The following SEL1L2 variants were observed in gnomAD, a reference collection of about 807,000 sequenced individuals.
The protein encoded by SEL1L2 is protein sel-1 homolog 2.
A neutral mutation model predicts 98.8 loss-of-function variants in SEL1L2; 89 were observed. The ratio of observed to expected loss-of-function variants is 0.90; its 90% CI spans 0.76 to 1.07. SEL1L2 has a LOEUF of 1.07. Ranked by LOEUF, SEL1L2 falls within the 50% of genes least tolerant of loss-of-function variation. The probability of loss-of-function intolerance (pLI) is 0.00; values close to 1 mark genes in which losing one functional copy is unlikely to be tolerated. For missense variants in SEL1L2, 788 were observed against 812.0 expected, an observed-to-expected ratio of 0.97 and a Z score of 0.36; for synonymous variants, 262 against 278.5, an observed-to-expected ratio of 0.94 and a Z score of 0.59.
chr20:13,866,237 C>T (rs1017843044), intron 15 of SEL1L2, among the ~76,000 whole-genome samples: 2 of 152,116 alleles, frequency 1.3e-5, no homozygotes, highest in Non-Finnish European at 2.9e-5. Flanking sequence ...TTTTGGAAAG[C>T]GCATCACTGG....
At chr20:13,946,256 CA>C (rs968981572) in intron 2 of SEL1L2, among the ~76,000 whole-genome samples, 5 of 151,932 alleles carry the variant, frequency 3.3e-5, no homozygotes, top group South Asian at 2.1e-4. Flanking sequence ...AGATTCTACA[CA>C]AAAAAACTGC....
chr20:13,951,228 G>A (rs568971505), intron 2 of SEL1L2, among the ~76,000 whole-genome samples: 12 of 119,910 alleles, frequency 1.0e-4, no homozygotes, highest in African/African-American at 3.6e-4. Flanking sequence ...AGTGAGCCGA[G>A]ATAGCGCCAC....
intron 12 of SEL1L2, 73 bp from the exon 13 acceptor site, chr20:13,870,276 C>G (rs2046122114): frequency 8.1e-6 from 10 of 1,232,710 alleles, no homozygotes; most frequent in South Asian, 6.5e-5. Context: ...CAAAATTTTT[C>G]AAAATATTTG....
At chr20:13,885,896 G>A (rs576183355) in intron 9 of SEL1L2, among the ~76,000 whole-genome samples, 21 of 152,188 alleles carry the variant, frequency 1.4e-4, no homozygotes, top group Non-Finnish European at 2.8e-4. Context: ...TTAGCCAGGC[G>A]TGGTGGTGTG....
chr20:13,898,805 C>T (rs911192109), intron 5 of SEL1L2, among the ~76,000 whole-genome samples: 5 of 152,098 alleles, frequency 3.3e-5, no homozygotes, highest in Admixed American at 6.5e-5. Flanking sequence ...TACAATGGCC[C>T]GATCTCGGCT....
intron 5 of SEL1L2, among the ~76,000 whole-genome samples, chr20:13,905,150 C>T (rs1043481620): frequency 2.0e-5 from 3 of 152,090 alleles, no homozygotes; most frequent in African/African-American, 4.8e-5. Flanking sequence ...TAGCAGAAAA[C>T]TAACAATGGG....
At chr20:13,954,223 G>A (rs772339064) in intron 2 of SEL1L2, among the ~76,000 whole-genome samples, 2 of 152,084 alleles carry the variant, frequency 1.3e-5, no homozygotes, top group Admixed American at 6.6e-5. Flanking sequence ...TAATTATTAT[G>A]GAAGATAACC....
chr20:13,893,449 C>T (rs1025184608), intron 5 of SEL1L2, among the ~76,000 whole-genome samples: 17 of 152,204 alleles, frequency 1.1e-4, no homozygotes, highest in African/African-American at 3.9e-4. Flanking sequence ...ATAAAAGGTT[C>T]GCTTCATTAG....
At chr20:13,861,747 A>G (rs1211938129) in intron 17 of SEL1L2, among the ~76,000 whole-genome samples, 1 of 151,944 alleles carries the variant, frequency 6.6e-6, no homozygotes, top group African/African-American at 2.4e-5. Flanking sequence ...TAATAGTCAG[A>G]CTCCTTACGA....
At chr20:13,854,263 G>A (rs914985825) in intron 18 of SEL1L2, among the ~76,000 whole-genome samples, 18 of 152,160 alleles carry the variant, frequency 1.2e-4, no homozygotes, top group African/African-American at 3.9e-4. Flanking sequence ...CTACATATAT[G>A]TATTTGAAAC....
rs2148039397 is a variant in SEL1L2 at position 13,894,109 on chromosome 20, A to T, written c.550-5597T>A. Among the ~76,000 whole-genome samples, 2 of 152,264 alleles carry T rather than the reference A, an allele frequency of 1.3e-5. 1 individual carries two copies. The highest frequency in any genetic ancestry group is 4.1e-4 in the South Asian group (2 of 4,820). On this transcript the variant is annotated intron_variant, in intron 5 of 19. Transcript: ENST00000284951. ...TTACTAAAGAAGATCTCAAATAAACAACCTAACTTTATACCTCAAAGAACT... is the reference window on the plus strand; with the variant it reads ...TTACTAAAGAAGATCTCAAATAAACTACCTAACTTTATACCTCAAAGAACT...
intron 1 of SEL1L2, among the ~76,000 whole-genome samples, chr20:13,986,772 A>G (rs1023766963): frequency 2.6e-5 from 4 of 152,346 alleles, no homozygotes; most frequent in Middle Eastern, 3.4e-3. Context: ...TTATATACCT[A>G]GTAATGAAAT....
At chr20:13,859,484 A>ATG in intron 17 of SEL1L2, 50 bp from the exon 18 acceptor site, 1 of 1,482,232 alleles carries the variant, frequency 6.7e-7, no homozygotes, top group Non-Finnish European at 9.3e-7. Context: ...TGATTCATGT[A>ATG]TAGTTCTCAG....
chr20:13,861,895 C>T (rs1990201467), intron 17 of SEL1L2, among the ~76,000 whole-genome samples: 1 of 152,198 alleles, frequency 6.6e-6, no homozygotes, highest in South Asian at 2.1e-4. Flanking sequence ...GCCAATGCCA[C>T]TTCTCTCCTA....
upstream of SEL1L2, among the ~76,000 whole-genome samples, chr20:13,992,838 G>A (rs116486458): frequency 6.6e-6 from 1 of 152,058 alleles, no homozygotes; most frequent in Non-Finnish European, 1.5e-5. Flanking sequence ...GCAGGGAAAG[G>A]GGGTGGGAGG....
At chr20:13,912,554 C>T (rs1600720861) in intron 5 of SEL1L2, among the ~76,000 whole-genome samples, 2 of 152,206 alleles carry the variant, frequency 1.3e-5, no homozygotes, top group East Asian at 3.9e-4. Flanking sequence ...ACCTTGGCCT[C>T]CCAAAGTGCT....
chr20:13,866,319 G>A (rs1264264682), intron 15 of SEL1L2, among the ~76,000 whole-genome samples: 2 of 152,198 alleles, frequency 1.3e-5, no homozygotes, highest in African/African-American at 2.4e-5. Flanking sequence ...TGCTTTCTGG[G>A]AAGAAGTGGG....
intron 3 of SEL1L2, among the ~76,000 whole-genome samples, chr20:13,925,196 T>C (rs113241857): frequency 6.6e-6 from 1 of 152,202 alleles, no homozygotes; most frequent in African/African-American, 2.4e-5. Context: ...TAGTCACTTG[T>C]GTATTTTCTA....
intron 4 of SEL1L2, among the ~76,000 whole-genome samples, chr20:13,917,800 T>C (rs1311341091): frequency 3.2e-5 from 4 of 125,366 alleles, no homozygotes; most frequent in East Asian, 2.2e-4. Flanking sequence ...TTTTTTTTTT[T>C]TTTTTTTTTT....
Sources: gnomAD v4.1 joint callset for allele counts (sites outside exome capture counted in the v4.1 genomes callset) on GRCh38, gnomAD v4.1.1 for gene constraint, MANE v1.5 for transcripts, NCBI Gene and HGNC (gene_info 2026-07-23, HGNC 2026-07-21) for gene names.